Variants in SH3GL2 observed in about 807,000 individuals in gnomAD.
SH3GL2 encodes the protein SH3 domain containing GRB2 like 2, endophilin A1, also known as endophilin-A1.
Under a neutral mutation model 46.0 loss-of-function variants are expected in SH3GL2, and 24 were observed. The observed-to-expected ratio is 0.52, with a 90% CI of 0.38 to 0.73. SH3GL2 has a LOEUF of 0.73. Among genes scored for constraint, SH3GL2 ranks in the 30% least tolerant of loss-of-function variants. The pLI, the probability that SH3GL2 is intolerant of heterozygous loss-of-function variation, is 0.00. For missense variants in SH3GL2, 413 were observed against 424.2 expected (o/e 0.97, Z 0.23); for synonymous variants, 196 against 147.1 (o/e 1.33, Z -2.40).
At chr9:17,779,218 G>T (rs1823730637) in intron 3 of SH3GL2, among the ~76,000 whole-genome samples, 1 of 152,122 alleles carries the variant, frequency 6.6e-6, no homozygotes, top group South Asian at 2.1e-4. Context: ...TAGAGATGGG[G>T]TCCTTAAATC....
chr9:17,679,877 T>C (rs897516848), intron 1 of SH3GL2, among the ~76,000 whole-genome samples: 24 of 152,318 alleles, frequency 1.6e-4, no homozygotes, highest in African/African-American at 5.8e-4. Context: ...TCTGCATCTC[T>C]TGAGATAATC....
chr9:17,690,724 A>G (rs145409167), intron 1 of SH3GL2, among the ~76,000 whole-genome samples: 3,505 of 152,238 alleles, frequency 0.023, 55 homozygotes, highest in Non-Finnish European at 0.034. Context: ...TAAGAATAAC[A>G]TGAAAAGTGC....
intron 1 of SH3GL2, among the ~76,000 whole-genome samples, chr9:17,592,341 G>A (rs1324838898): frequency 6.6e-6 from 1 of 152,138 alleles, no homozygotes; most frequent in Non-Finnish European, 1.5e-5. Flanking sequence ...AAACACCCTG[G>A]CAGACACACA....
chr9:17,699,363 CA>C (rs1563817729), intron 1 of SH3GL2, among the ~76,000 whole-genome samples: 1 of 152,030 alleles, frequency 6.6e-6, no homozygotes, highest in East Asian at 1.9e-4. Context: ...TATATTTTTC[CA>C]AACTAAATTA....
intron 1 of SH3GL2, among the ~76,000 whole-genome samples, chr9:17,628,818 T>C (rs1819353035): frequency 6.6e-6 from 1 of 152,158 alleles, no homozygotes; most frequent in South Asian, 2.1e-4. Context: ...AGCAAGACTT[T>C]GCATAGGTTG....
intron 1 of SH3GL2, among the ~76,000 whole-genome samples, chr9:17,638,689 A>C (rs1380297231): frequency 6.6e-6 from 1 of 152,246 alleles, no homozygotes; most frequent in Non-Finnish European, 1.5e-5. Context: ...CCATACCACC[A>C]GCCTCTACTG....
chr9:17,737,193 C>T lies in SH3GL2; in HGVS notation c.46-9873C>T, dbSNP rs542450160. 2.2e-4 allele frequency among the ~76,000 whole-genome samples: 34 copies of T among 151,560 alleles called. 2 individuals are homozygous for T. The East Asian group carries it at 5.3e-3, about 24-fold the overall frequency. On this transcript the variant is annotated intron_variant, in intron 1 of 8. Coordinates refer to ENST00000380607, the MANE Select transcript of SH3GL2 (RefSeq NM_003026.5). ...CAGAGAGGGGAACACCACACACTGGCGCCTGTCAGGGGGTGGGGGGCTAGG... is the reference window on the plus strand; with the variant it reads ...CAGAGAGGGGAACACCACACACTGGTGCCTGTCAGGGGGTGGGGGGCTAGG...
At chr9:17,715,545 T>C (rs939555727) in intron 1 of SH3GL2, among the ~76,000 whole-genome samples, 3 of 151,998 alleles carry the variant, frequency 2.0e-5, no homozygotes, top group African/African-American at 7.2e-5. Flanking sequence ...TTGGATTGAT[T>C]TTATTGCTAG....
intron 1 of SH3GL2, among the ~76,000 whole-genome samples, chr9:17,660,271 G>C (rs1393100076): frequency 1.3e-5 from 2 of 152,178 alleles, no homozygotes; most frequent in Non-Finnish European, 2.9e-5. Context: ...TCAGAAATCA[G>C]AAGATCTGGC....
intron 1 of SH3GL2, among the ~76,000 whole-genome samples, chr9:17,653,146 T>C (rs901575570): frequency 2.6e-5 from 4 of 152,184 alleles, no homozygotes; most frequent in African/African-American, 9.7e-5. Context: ...ATTTATATTT[T>C]CATCATGATT....
chr9:17,717,521 C>A (rs1189375062), intron 1 of SH3GL2, among the ~76,000 whole-genome samples: 1 of 152,030 alleles, frequency 6.6e-6, no homozygotes, highest in East Asian at 1.9e-4. Flanking sequence ...ATAAAATGTG[C>A]TATTTATTTT....
At chr9:17,708,058 C>T (rs558413976) in intron 1 of SH3GL2, among the ~76,000 whole-genome samples, 2 of 152,156 alleles carry the variant, frequency 1.3e-5, no homozygotes, top group East Asian at 1.9e-4. Flanking sequence ...CTCTCAGTGT[C>T]TCAATTATGA....
intron 2 of SH3GL2, among the ~76,000 whole-genome samples, chr9:17,750,025 G>A (rs1822800731): frequency 6.6e-6 from 1 of 152,008 alleles, no homozygotes; most frequent in East Asian, 1.9e-4. Flanking sequence ...TGTGGCAATT[G>A]TTTTACTCTT....
intron 2 of SH3GL2, 101 bp downstream of exon 2, chr9:17,747,235 C>T: frequency 1.5e-6 from 1 of 662,590 alleles, no homozygotes; most frequent in Non-Finnish European, 2.7e-6. Context: ...TTCCACTGGT[C>T]TCTGAGAATA....
chr9:17,629,594 A>T (rs1254637555), intron 1 of SH3GL2, among the ~76,000 whole-genome samples: 2 of 152,096 alleles, frequency 1.3e-5, no homozygotes, highest in African/African-American at 4.8e-5. Flanking sequence ...TAACTAAAGG[A>T]TTGTTTGGGG....
At chr9:17,725,839 G>A (rs1479147422) in intron 1 of SH3GL2, among the ~76,000 whole-genome samples, 1 of 152,258 alleles carries the variant, frequency 6.6e-6, no homozygotes, top group East Asian at 1.9e-4. Flanking sequence ...AATAGGCAGC[G>A]AGAGGCACTG....
intron 2 of SH3GL2, among the ~76,000 whole-genome samples, chr9:17,748,012 T>C (rs1019513566): frequency 6.6e-6 from 1 of 152,134 alleles, no homozygotes; most frequent in African/African-American, 2.4e-5. Flanking sequence ...AGAAGACTAA[T>C]ACTCATTTGG....
intron 1 of SH3GL2, 81 bp from the exon 2 acceptor site, chr9:17,746,985 T>A: frequency 1.1e-6 from 1 of 913,256 alleles, no homozygotes; most frequent in Non-Finnish European, 1.7e-6. Flanking sequence ...TAGATGACAT[T>A]TGTGAAAGTG....
chr9:17,758,561 CAAAAAAAAAAAAAA>C (rs57019804), intron 2 of SH3GL2, among the ~76,000 whole-genome samples: 1,135 of 29,280 alleles, frequency 0.039, 31 homozygotes, highest in Middle Eastern at 0.25. Flanking sequence ...GACCCTGTCT[CAAAAAAAAAAAAAA>C]AAAAAAAAAA....
Sources: allele counts gnomAD v4.1 joint callset (sites outside exome capture counted in the v4.1 genomes callset), GRCh38; gene constraint gnomAD v4.1.1; transcripts MANE v1.5; gene names NCBI Gene and HGNC (gene_info 2026-07-23, HGNC 2026-07-21).